LRMDA: variants seen among roughly 807,000 people sequenced by gnomAD.
LRMDA encodes leucine-rich melanocyte differentiation-associated protein.
A neutral mutation model predicts 29.8 loss-of-function variants in LRMDA; 18 were observed. The observed-to-expected ratio is 0.60, with a 90% CI of 0.42 to 0.90. The LOEUF (loss-of-function observed/expected upper bound fraction) is 0.90. Among genes scored for constraint, LRMDA ranks in the 40% least tolerant of loss-of-function variants. The probability of loss-of-function intolerance (pLI) is 0.00; values close to 1 mark genes in which losing one functional copy is unlikely to be tolerated. For synonymous variants in LRMDA, 125 were observed against 109.4 expected (o/e 1.14, Z -0.89); for missense variants, 273 against 273.9 (o/e 1.00, Z 0.02).
At chr10:75,859,563 T>C (rs559031579) in intron 2 of LRMDA, among the ~76,000 whole-genome samples, 1 of 151,564 alleles carries the variant, frequency 6.6e-6, no homozygotes, top group East Asian at 1.9e-4. Flanking sequence ...TGACTTTTAG[T>C]TATTGGTTTC....
chr10:75,630,892 C>A (rs1841313631), intron 2 of LRMDA, among the ~76,000 whole-genome samples: 1 of 152,134 alleles, frequency 6.6e-6, no homozygotes. Flanking sequence ...GAAGAACTTG[C>A]CACTTTCCCC....
At chr10:76,411,638 C>T (rs995241041) in intron 6 of LRMDA, among the ~76,000 whole-genome samples, 5 of 152,182 alleles carry the variant, frequency 3.3e-5, no homozygotes, top group African/African-American at 1.2e-4. Context: ...TGTGGGATCT[C>T]AAAGCACATT....
intron 6 of LRMDA, among the ~76,000 whole-genome samples, chr10:76,521,277 G>A (rs1049722847): frequency 1.3e-5 from 2 of 152,094 alleles, no homozygotes; most frequent in Non-Finnish European, 2.9e-5. Context: ...GGGACTACAG[G>A]CGCCTGCCAC....
intron 2 of LRMDA, among the ~76,000 whole-genome samples, chr10:75,981,579 C>T (rs1847170870): frequency 6.6e-6 from 1 of 152,170 alleles, no homozygotes; most frequent in Non-Finnish European, 1.5e-5. Flanking sequence ...GTGGGCCGGG[C>T]ACGGTGGCTC....
At chr10:76,394,059 C>A (rs1196073951) in intron 6 of LRMDA, among the ~76,000 whole-genome samples, 1 of 152,154 alleles carries the variant, frequency 6.6e-6, no homozygotes. Context: ...CAGAAGAACA[C>A]AGGATACACC....
intron 5 of LRMDA, among the ~76,000 whole-genome samples, chr10:76,258,742 G>C (rs890901569): frequency 6.6e-6 from 1 of 151,912 alleles, no homozygotes; most frequent in African/African-American, 2.4e-5. Context: ...GACTTATTTC[G>C]CTTAACATAA....
chr10:76,464,552 A>G (rs1030939381), intron 6 of LRMDA, among the ~76,000 whole-genome samples: 2 of 152,162 alleles, frequency 1.3e-5, no homozygotes, highest in Admixed American at 6.5e-5. Flanking sequence ...TGTCTTTACA[A>G]AGGGTTATCT....
intron 5 of LRMDA, among the ~76,000 whole-genome samples, chr10:76,307,442 G>A (rs777230159): frequency 2.0e-5 from 3 of 152,100 alleles, no homozygotes; most frequent in Non-Finnish European, 2.9e-5. Context: ...GTCTGCTTTC[G>A]AAGGGGAATT....
chr10:75,532,056 G>GA (rs60697116), intron 2 of LRMDA, among the ~76,000 whole-genome samples: 2,070 of 95,304 alleles, frequency 0.022, 27 homozygotes, highest in African/African-American at 0.032. Context: ...AAGAAAGAAA[G>GA]AAAAAAAAAA....
chr10:75,746,744 T>G (rs1842896372), intron 2 of LRMDA, among the ~76,000 whole-genome samples: 1 of 152,090 alleles, frequency 6.6e-6, no homozygotes, highest in South Asian at 2.1e-4. Flanking sequence ...GGAGCTTATA[T>G]TTTGACATGG....
intron 2 of LRMDA, among the ~76,000 whole-genome samples, chr10:75,583,392 G>A (rs1431897349): frequency 6.6e-6 from 1 of 152,164 alleles, no homozygotes; most frequent in African/African-American, 2.4e-5. Flanking sequence ...CATAGTGCAA[G>A]GCAAAGGAGG....
intron 2 of LRMDA, among the ~76,000 whole-genome samples, chr10:75,668,692 C>G (rs1308723031): frequency 6.6e-6 from 1 of 152,102 alleles, no homozygotes; most frequent in Non-Finnish European, 1.5e-5. Context: ...TGCTAAACTT[C>G]ACTTAAATTT....
intron 5 of LRMDA, among the ~76,000 whole-genome samples, chr10:76,220,557 C>G (rs1441785865): frequency 1.3e-5 from 2 of 152,122 alleles, no homozygotes; most frequent in Non-Finnish European, 2.9e-5. Context: ...TACACCCTCC[C>G]AAGACTAAAC....
At chr10:75,456,384 C>T (rs749604998) in intron 2 of LRMDA, among the ~76,000 whole-genome samples, 3 of 152,254 alleles carry the variant, frequency 2.0e-5, no homozygotes, top group African/African-American at 4.8e-5. Flanking sequence ...CTTGAAACCT[C>T]ATCTTTCAGA....
chr10:76,049,501 C>A (rs1040082746), intron 4 of LRMDA, among the ~76,000 whole-genome samples: 1 of 152,154 alleles, frequency 6.6e-6, no homozygotes, highest in African/African-American at 2.4e-5. Context: ...GATTCTCTAG[C>A]ACATTTAAAT....
At chr10:75,588,643 G>T (rs2132082136) in intron 2 of LRMDA, among the ~76,000 whole-genome samples, 1 of 152,120 alleles carries the variant, frequency 6.6e-6, no homozygotes, top group Non-Finnish European at 1.5e-5. Context: ...TTCATTTTTT[G>T]AATAGGTAAT....
chr10:76,453,151 C>T (rs1436302270), intron 6 of LRMDA, among the ~76,000 whole-genome samples: 3 of 152,170 alleles, frequency 2.0e-5, no homozygotes. Flanking sequence ...ACCAGGATTC[C>T]CTGCAGGGCA....
intron 5 of LRMDA, among the ~76,000 whole-genome samples, chr10:76,217,671 G>A (rs1851753685): frequency 6.6e-6 from 1 of 152,180 alleles, no homozygotes; most frequent in Non-Finnish European, 1.5e-5. Flanking sequence ...AAACGCGTTG[G>A]GAAAGGGATA....
intron 5 of LRMDA, among the ~76,000 whole-genome samples, chr10:76,064,130 G>C (rs1232752861): frequency 6.6e-6 from 1 of 152,206 alleles, no homozygotes; most frequent in Non-Finnish European, 1.5e-5. Context: ...AGGCAGGAAA[G>C]AAACCATTGC....
Sources: allele counts gnomAD v4.1 joint callset (sites outside exome capture counted in the v4.1 genomes callset), GRCh38; gene constraint gnomAD v4.1.1; transcripts MANE v1.5; gene names NCBI Gene and HGNC (gene_info 2026-07-23, HGNC 2026-07-21).